Variants in RUNX2 observed in about 807,000 individuals in gnomAD.
RUNX2 encodes the protein RUNX family transcription factor 2.
A neutral mutation model predicts 51.7 loss-of-function variants in RUNX2; 10 were observed. The ratio of observed to expected loss-of-function variants is 0.19; its 90% CI spans 0.12 to 0.33. RUNX2 has a LOEUF of 0.33. Among genes scored for constraint, RUNX2 ranks in the 10% least tolerant of loss-of-function variants. The pLI, the probability that RUNX2 is intolerant of heterozygous loss-of-function variation, is 1.00. For missense variants in RUNX2, 562 were observed against 691.3 expected (o/e 0.81, Z 2.10); for synonymous variants, 276 against 273.6 (o/e 1.01, Z -0.09).
intron 2 of RUNX2, among the ~76,000 whole-genome samples, chr6:45,372,530 AT>A (rs1796226530): frequency 6.6e-6 from 1 of 152,208 alleles, no homozygotes; most frequent in African/African-American, 2.4e-5. Flanking sequence ...ACATTTCAAG[AT>A]TTTTTAATGA....
intron 2 of RUNX2, among the ~76,000 whole-genome samples, chr6:45,354,983 GT>G (rs922610137): frequency 2.0e-5 from 3 of 151,750 alleles, no homozygotes; most frequent in Non-Finnish European, 2.9e-5. Context: ...GCACTTTGAG[GT>G]TTTTTTTGGA....
At chr6:45,363,010 GTTTTTTATTTTTAT>G (rs1563026225) in intron 2 of RUNX2, among the ~76,000 whole-genome samples, 1 of 151,694 alleles carries the variant, frequency 6.6e-6, no homozygotes, top group Non-Finnish European at 1.5e-5. Flanking sequence ...AGGTACATAG[GTTTTTTATTTTTAT>G]TTTTAATTTT....
chr6:45,434,160 G>A (rs1201058696), intron 4 of RUNX2, among the ~76,000 whole-genome samples: 1 of 151,796 alleles, frequency 6.6e-6, no homozygotes, highest in East Asian at 1.9e-4. Flanking sequence ...GAGATGAAGA[G>A]GAAAAAAGGA....
chr6:45,334,708 T>G (rs1267791467), intron 2 of RUNX2, among the ~76,000 whole-genome samples: 1 of 151,176 alleles, frequency 6.6e-6, no homozygotes, highest in East Asian at 1.9e-4. Flanking sequence ...TGCATGAGTG[T>G]GAATGCATTC....
At chr6:45,328,823 C>A (rs759589049) in intron 2 of RUNX2, 39 bp downstream of exon 2, 8 of 1,588,088 alleles carry the variant, frequency 5.0e-6, no homozygotes, top group South Asian at 1.1e-5. Context: ...AAGATATGAA[C>A]CTGTTAAACA....
intron 4 of RUNX2, among the ~76,000 whole-genome samples, chr6:45,435,666 T>G (rs552204986): frequency 6.6e-5 from 10 of 152,148 alleles, no homozygotes; most frequent in Non-Finnish European, 1.0e-4. Flanking sequence ...CCGACAATCT[T>G]TCTACCAGGT....
intron 5 of RUNX2, among the ~76,000 whole-genome samples, chr6:45,439,192 C>T (rs564440679): frequency 6.6e-6 from 1 of 152,296 alleles, no homozygotes; most frequent in South Asian, 2.1e-4. Context: ...AGGGAGGTTT[C>T]CTGCCTCAAA....
chr6:45,459,209 A>G (rs1264614727), intron 5 of RUNX2, among the ~76,000 whole-genome samples: 1 of 152,254 alleles, frequency 6.6e-6, no homozygotes, highest in African/African-American at 2.4e-5. Flanking sequence ...TCTTATGGTC[A>G]CATACATCAT....
At chr6:45,391,113 T>C (rs914009493) in intron 2 of RUNX2, among the ~76,000 whole-genome samples, 2 of 152,176 alleles carry the variant, frequency 1.3e-5, no homozygotes, top group African/African-American at 4.8e-5. Flanking sequence ...ATGTCTTGTA[T>C]AGGTACAAGA....
At chr6:45,503,000 C>A (rs144147808) in intron 6 of RUNX2, among the ~76,000 whole-genome samples, 25 of 152,292 alleles carry the variant, frequency 1.6e-4, no homozygotes, top group African/African-American at 5.3e-4. Flanking sequence ...TTGCCTTCTT[C>A]CCAGGAACTG....
intron 5 of RUNX2, among the ~76,000 whole-genome samples, chr6:45,461,990 G>T (rs972548289): frequency 1.3e-5 from 2 of 151,956 alleles, no homozygotes; most frequent in Non-Finnish European, 2.9e-5. Flanking sequence ...AGCTGCTAAA[G>T]AATTCTGTCA....
rs533356317 is a variant in RUNX2, at chr6:45,343,572, ACT to A, written c.58+14795_58+14796del. Among the ~76,000 whole-genome samples, 1,045 of 152,196 alleles carry A rather than the reference ACT, an allele frequency of 6.9e-3. 9 individuals are homozygous for A. The highest frequency in any genetic ancestry group is 0.01 in the Non-Finnish European group (685 of 67,990). ...TAAGAGAGAAGGTCCTATGTACATA[ACT>A]CTCTCTTGTAAAAAATGCCTTCAAT... On this transcript the variant is annotated intron_variant, in intron 2 of 8. Transcript: ENST00000647337.
chr6:45,361,493 T>C (rs2150251035), intron 2 of RUNX2: 1 of 152,276 alleles, frequency 6.6e-6, no homozygotes, highest in Non-Finnish European at 1.5e-5. Flanking sequence ...TCAAAGTGCA[T>C]TTAAATTAAT....
intron 5 of RUNX2, among the ~76,000 whole-genome samples, chr6:45,460,350 G>A (rs1190772068): frequency 6.6e-6 from 1 of 152,174 alleles, no homozygotes; most frequent in Non-Finnish European, 1.5e-5. Context: ...GTCAAATTTT[G>A]CTGACCAAGG....
intron 5 of RUNX2, among the ~76,000 whole-genome samples, chr6:45,491,617 T>C (rs902161687): frequency 1.5e-5 from 2 of 137,280 alleles, no homozygotes; most frequent in Admixed American, 7.5e-5. Flanking sequence ...ACATCTCTCC[T>C]GTTTGTTTTT....
intron 5 of RUNX2, among the ~76,000 whole-genome samples, chr6:45,467,271 A>G (rs1208786900): frequency 1.3e-5 from 2 of 151,586 alleles, no homozygotes; most frequent in African/African-American, 4.9e-5. Context: ...TTTATCTTTT[A>G]TTTATTTATT....
intron 2 of RUNX2, among the ~76,000 whole-genome samples, chr6:45,370,886 T>C (rs765898006): frequency 4.6e-5 from 7 of 152,132 alleles, no homozygotes; most frequent in Non-Finnish European, 1.0e-4. Context: ...TATGCTTTCA[T>C]ATCCAGTACT....
At chr6:45,364,988 T>TA (rs1243724543) in intron 2 of RUNX2, among the ~76,000 whole-genome samples, 1 of 152,196 alleles carries the variant, frequency 6.6e-6, no homozygotes, top group African/African-American at 2.4e-5. Context: ...GATGAACTAA[T>TA]ACTCATTTTT....
intron 5 of RUNX2, among the ~76,000 whole-genome samples, chr6:45,453,400 T>C (rs1799230017): frequency 6.6e-6 from 1 of 152,230 alleles, no homozygotes; most frequent in East Asian, 1.9e-4. Flanking sequence ...CTGCAGTAAC[T>C]GAGGCTGGCT....
Sources: allele counts gnomAD v4.1 joint callset (sites outside exome capture counted in the v4.1 genomes callset), GRCh38; gene constraint gnomAD v4.1.1; transcripts MANE v1.5; gene names NCBI Gene and HGNC (gene_info 2026-07-23, HGNC 2026-07-21).